CDH13: variants seen among roughly 807,000 people sequenced by gnomAD.
The protein encoded by CDH13 is cadherin-13.
CDH13 carries 24 observed loss-of-function variants against 63.8 expected under a neutral mutation model. The observed-to-expected ratio is 0.38, with a 90% CI of 0.27 to 0.53. The LOEUF (loss-of-function observed/expected upper bound fraction) is 0.53. Ranked by LOEUF, CDH13 falls within the 20% of genes least tolerant of loss-of-function variation. CDH13 has a pLI of 0.85. For synonymous variants in CDH13, 503 were observed against 355.3 expected (o/e 1.42, Z -4.67); for missense variants, 1,049 against 903.1 (o/e 1.16, Z -2.07).
chr16:82,878,366 C>G (rs1476424683), intron 2 of CDH13, among the ~76,000 whole-genome samples: 1 of 151,814 alleles, frequency 6.6e-6, no homozygotes, highest in African/African-American at 2.4e-5. Context: ...ATCTTTCACT[C>G]TCTTTGCTCC....
chr16:82,979,619 A>G (rs1909992957), intron 2 of CDH13, among the ~76,000 whole-genome samples: 2 of 152,126 alleles, frequency 1.3e-5, no homozygotes, highest in African/African-American at 2.4e-5. Flanking sequence ...TTCCACCATG[A>G]TCATAGTTTC....
chr16:82,972,673 C>G (rs531998265), intron 2 of CDH13, among the ~76,000 whole-genome samples: 1 of 152,282 alleles, frequency 6.6e-6, no homozygotes, highest in African/African-American at 2.4e-5. Flanking sequence ...CACATAGTAG[C>G]TGTTTTTAAT....
At chr16:83,137,678 T>C (rs1309180934) in intron 4 of CDH13, among the ~76,000 whole-genome samples, 1 of 152,140 alleles carries the variant, frequency 6.6e-6, no homozygotes, top group Non-Finnish European at 1.5e-5. Context: ...CTGCCCGTTT[T>C]TCTCAGTGAT....
intron 6 of CDH13, among the ~76,000 whole-genome samples, chr16:83,470,525 A>G (rs907430414): frequency 1.3e-5 from 2 of 152,196 alleles, no homozygotes. Flanking sequence ...TCCTCTTATA[A>G]TAGAGCATAA....
At chr16:83,102,930 C>G in intron 3 of CDH13, among the ~76,000 whole-genome samples, 1 of 96,924 alleles carries the variant, frequency 1.0e-5, no homozygotes, top group South Asian at 3.1e-4. Context: ...TTTTCTTTTT[C>G]TTTTTTTTTT....
At chr16:82,884,812 C>T (rs1254370443) in intron 2 of CDH13, among the ~76,000 whole-genome samples, 22 of 152,160 alleles carry the variant, frequency 1.4e-4, no homozygotes, top group Non-Finnish European at 3.1e-4. Context: ...TTGAAAACTT[C>T]AGCAGCCATA....
intron 5 of CDH13, among the ~76,000 whole-genome samples, chr16:83,260,482 T>A (rs1559435): frequency 0.11 from 17,167 of 152,230 alleles, 1,389 homozygotes; most frequent in East Asian, 0.31. Flanking sequence ...GGGGAGTCTG[T>A]GGGAACCAGG....
intron 5 of CDH13, among the ~76,000 whole-genome samples, chr16:83,269,888 G>C (rs75928787): frequency 0.09 from 13,624 of 152,140 alleles, 718 homozygotes; most frequent in African/African-American, 0.14. Context: ...CTTCCTCAAA[G>C]CCCCTAAAAT....
intron 6 of CDH13, among the ~76,000 whole-genome samples, chr16:83,399,650 G>A (rs189775786): frequency 2.6e-5 from 4 of 152,256 alleles, no homozygotes; most frequent in African/African-American, 9.6e-5. Context: ...GTCATAAAAG[G>A]CCATGCAGCT....
At chr16:83,249,066 C>G (rs962215543) in intron 5 of CDH13, among the ~76,000 whole-genome samples, 2 of 152,222 alleles carry the variant, frequency 1.3e-5, no homozygotes, top group Non-Finnish European at 2.9e-5. Context: ...TCAGAAATAA[C>G]TTTGAGTAGA....
intron 5 of CDH13, among the ~76,000 whole-genome samples, chr16:83,273,173 T>C (rs1296994191): frequency 7.6e-6 from 1 of 131,090 alleles, no homozygotes; most frequent in Non-Finnish European, 1.7e-5. Flanking sequence ...ATAATATCAA[T>C]TTTTTTTTCT....
At chr16:83,419,926 TTA>T (rs1491538292) in intron 6 of CDH13, among the ~76,000 whole-genome samples, 427 of 111,406 alleles carry the variant, frequency 3.8e-3, no homozygotes, top group Middle Eastern at 0.028. Context: ...TTTTTTTTTT[TTA>T]AAAAAAAGTT....
chr16:82,937,956 C>G (rs748557234), intron 2 of CDH13, among the ~76,000 whole-genome samples: 2 of 152,132 alleles, frequency 1.3e-5, no homozygotes, highest in Non-Finnish European at 2.9e-5. Flanking sequence ...AAATGTAACA[C>G]TTAATTTACT....
intron 4 of CDH13, among the ~76,000 whole-genome samples, chr16:83,208,516 T>G (rs984823645): frequency 6.6e-6 from 1 of 152,174 alleles, no homozygotes; most frequent in African/African-American, 2.4e-5. Flanking sequence ...ATCTTCTAAA[T>G]TAGCATATGC....
At chr16:83,147,602 T>C (rs2036805241) in intron 4 of CDH13, among the ~76,000 whole-genome samples, 1 of 152,214 alleles carries the variant, frequency 6.6e-6, no homozygotes, top group Non-Finnish European at 1.5e-5. Flanking sequence ...TTGCCTTCCT[T>C]GAAGTCCTTT....
rs1281124551 is a variant in CDH13 at position 83,748,237 on chromosome 16, G to A, written c.1668G>A (p.Leu556=). The A allele has an allele frequency of 3.1e-6, 5 of 1,608,598 alleles. No homozygotes were observed. The highest frequency in any genetic ancestry group is 1.3e-5 in the African/African-American group (1 of 74,812). The change falls in exon 11 of 14, where the codon CTG becomes CTA. Residue 556 remains leucine, a synonymous_variant. Transcript: ENST00000567109. ...VDNSVYTALF[L]AIDSGNPPAT... ...ACAGCGTGTACACTGCTCTCTTCCT[G>A]GCAATTGACAGTGGTGAGTACTTGA...
chr16:83,157,168 C>G (rs1265380825), intron 4 of CDH13, among the ~76,000 whole-genome samples: 2 of 152,090 alleles, frequency 1.3e-5, no homozygotes, highest in African/African-American at 4.8e-5. Flanking sequence ...AATTTTGATT[C>G]TTAGTTAAAT....
At chr16:82,806,545 A>C (rs2037155949) in intron 1 of CDH13, among the ~76,000 whole-genome samples, 2 of 152,192 alleles carry the variant, frequency 1.3e-5, no homozygotes, top group Non-Finnish European at 2.9e-5. Flanking sequence ...TGAGGCAATT[A>C]AACAGAAAAG....
chr16:82,948,379 T>G (rs2151319352), intron 2 of CDH13, among the ~76,000 whole-genome samples: 1 of 152,328 alleles, frequency 6.6e-6, no homozygotes, highest in South Asian at 2.1e-4. Context: ...ACATCAGCAG[T>G]AAATTTAACA....
Sources: gnomAD v4.1 joint callset for allele counts (sites outside exome capture counted in the v4.1 genomes callset) on GRCh38, gnomAD v4.1.1 for gene constraint, MANE v1.5 for transcripts, NCBI Gene and HGNC (gene_info 2026-07-23, HGNC 2026-07-21) for gene names.